SASH1: variants seen among roughly 807,000 people sequenced by gnomAD.
SASH1 encodes SAM and SH3 domain containing 1, also known as SAM and SH3 domain-containing protein 1.
In SASH1, 44 loss-of-function variants were observed where a neutral mutation model predicts 125.2. The observed-to-expected ratio is 0.35, with a 90% CI of 0.28 to 0.45. SASH1 has a LOEUF of 0.45. SASH1 is among the 20% of genes least tolerant of loss of function. The pLI, the probability that SASH1 is intolerant of heterozygous loss-of-function variation, is 1.00. For missense variants in SASH1, 1,426 were observed against 1,614.5 expected (o/e 0.88, Z 2.00); for synonymous variants, 639 against 649.1 (o/e 0.98, Z 0.24).
upstream of SASH1, among the ~76,000 whole-genome samples, chr6:148,269,181 C>T (rs1487916267): frequency 6.6e-6 from 1 of 152,224 alleles, no homozygotes; most frequent in African/African-American, 2.4e-5. Context: ...ACTATAAATG[C>T]TTGGAGTCCC....
chr6:148,336,176 C>CTTTTTTT (rs61290611), intron 1 of SASH1, among the ~76,000 whole-genome samples: 19 of 70,762 alleles, frequency 2.7e-4, no homozygotes, highest in East Asian at 1.0e-3. Flanking sequence ...AAACTGCATC[C>CTTTTTTT]TTTTTTTTTT....
At chr6:148,295,675 G>A (rs144217551) in intron 1 of SASH1, among the ~76,000 whole-genome samples, 84 of 152,362 alleles carry the variant, frequency 5.5e-4, no homozygotes, top group Non-Finnish European at 9.4e-4. Context: ...TGATGGCGGC[G>A]TATGGCAGCA....
chr6:148,533,695 G>A lies in SASH1; in HGVS notation c.1735-76G>A, dbSNP rs1177322752. 2 of 1,373,302 alleles carry A rather than the reference G, an allele frequency of 1.5e-6. No homozygotes were observed. Among genetic ancestry groups the A allele is most frequent in the African/African-American group, 1.4e-5 (1 of 69,858 alleles). The allele number at this position is 1,373,302 out of a possible 1,614,324, so 85.1% of individuals were successfully genotyped here. On this transcript the variant is annotated intron_variant, in intron 14 of 19. Transcript: ENST00000367467. The surrounding 1 kb of genome is among the most constrained non-coding windows in gnomAD (Gnocchi z 6.2). ...TGGCATCTTCACTTCTGCATGACCTGTGTATCTGACAGATTCTTGATTTGT... is the reference window on the plus strand; with the variant it reads ...TGGCATCTTCACTTCTGCATGACCTATGTATCTGACAGATTCTTGATTTGT...
chr6:148,430,021 G>A (rs1158176862), intron 2 of SASH1, among the ~76,000 whole-genome samples: 1 of 152,214 alleles, frequency 6.6e-6, no homozygotes, highest in African/African-American at 2.4e-5. Flanking sequence ...ATGAATAAGT[G>A]ATGTGGCTAG....
At chr6:148,199,569 A>C in the SASH1 span, among the ~76,000 whole-genome samples, 1 of 151,982 alleles carries the variant, frequency 6.6e-6, no homozygotes, top group Non-Finnish European at 1.5e-5. Flanking sequence ...GTGATGGTGC[A>C]CACCTGTAAT....
intron 8 of SASH1, chr6:148,513,227 G>A: frequency 1.0e-6 from 1 of 985,424 alleles, no homozygotes; most frequent in Non-Finnish European, 1.2e-6. Flanking sequence ...TTTGTTTTGT[G>A]TGTTCATTTG....
chr6:148,240,844 A>G, the SASH1 span, among the ~76,000 whole-genome samples: 1 of 152,234 alleles, frequency 6.6e-6, no homozygotes, highest in African/African-American at 2.4e-5. Flanking sequence ...GAAAAGGCAT[A>G]GCCAATGATT....
intron 9 of SASH1, among the ~76,000 whole-genome samples, chr6:148,517,492 G>A (rs1458451138): frequency 6.6e-6 from 1 of 152,146 alleles, no homozygotes; most frequent in African/African-American, 2.4e-5. Context: ...GGAGTTGTAC[G>A]CTCAAGTCAG....
chr6:148,353,041 T>G (rs75641986), intron 1 of SASH1, among the ~76,000 whole-genome samples: 13,293 of 152,204 alleles, frequency 0.087, 645 homozygotes, highest in Admixed American at 0.12. Context: ...TATGAATTAA[T>G]ATATCTTTAT....
chr6:148,360,638 C>CCT (rs1782158695), intron 1 of SASH1, among the ~76,000 whole-genome samples: 1 of 67,968 alleles, frequency 1.5e-5, no homozygotes, highest in African/African-American at 7.6e-5. Context: ...CGTGAGCCAC[C>CCT]CCCCCGCCAG....
intron 19 of SASH1, among the ~76,000 whole-genome samples, chr6:148,546,843 T>G (rs992454066): frequency 1.3e-5 from 2 of 152,072 alleles, no homozygotes; most frequent in Non-Finnish European, 2.9e-5. Context: ...GAAACCTGAT[T>G]GTTGGCTATT....
the SASH1 span, among the ~76,000 whole-genome samples, chr6:148,238,851 T>G: frequency 6.6e-6 from 1 of 151,916 alleles, no homozygotes. Context: ...TCCCGGTGAG[T>G]TGGGGAACTA....
intron 1 of SASH1, among the ~76,000 whole-genome samples, chr6:148,355,392 C>T (rs533285036): frequency 2.8e-4 from 42 of 151,342 alleles, no homozygotes; most frequent in African/African-American, 1.0e-3. Context: ...AGCAATTTGC[C>T]TTGATTAGAG....
chr6:148,525,227 T>C (rs1781071860), intron 10 of SASH1, 64 bp from the exon 11 acceptor site: 1 of 1,157,474 alleles, frequency 8.6e-7, no homozygotes, highest in African/African-American at 1.5e-5. Context: ...GACTGCTGGG[T>C]TGGTGCACTG....
Position 148,532,731 on chromosome 6 carries a change from T to C in SASH1, c.1565-66T>C, listed in dbSNP as rs1465307. On this transcript the variant is annotated intron_variant, in intron 13 of 19. Coordinates refer to ENST00000367467, the MANE Select transcript of SASH1 (RefSeq NM_015278.5). The surrounding 1 kb of genome is among the most constrained non-coding windows in gnomAD (Gnocchi z 4.7). ...ATTTCCTAATCTGCCATACCTTCAATACCTTTCTGCTTTGCTGGGTGGGAA... is the reference window on the plus strand; with the variant it reads ...ATTTCCTAATCTGCCATACCTTCAACACCTTTCTGCTTTGCTGGGTGGGAA... 743,206 of 1,570,988 alleles carry C rather than the reference T, an allele frequency of 0.47. 176,961 individuals are homozygous for C. The highest frequency in any genetic ancestry group is 0.55 in the South Asian group (48,274 of 87,504).
At chr6:148,293,442 T>C (rs143469131) in intron 1 of SASH1, among the ~76,000 whole-genome samples, 49 of 152,260 alleles carry the variant, frequency 3.2e-4, no homozygotes, top group Admixed American at 2.0e-3. Context: ...GGAAGTGGAG[T>C]GATTGCATCC....
chr6:148,420,416 C>T (rs893299280), intron 2 of SASH1, among the ~76,000 whole-genome samples: 1 of 152,162 alleles, frequency 6.6e-6, no homozygotes, highest in Non-Finnish European at 1.5e-5. Context: ...GATATAACCA[C>T]ATGCTTTTGT....
At chr6:148,220,949 A>G in the SASH1 span, among the ~76,000 whole-genome samples, 6 of 152,160 alleles carry the variant, frequency 3.9e-5, no homozygotes, top group African/African-American at 1.4e-4. Context: ...TAGACCCCAT[A>G]TCTAACAAAT....
At chr6:148,295,024 C>A (rs1271250981) in intron 1 of SASH1, among the ~76,000 whole-genome samples, 2 of 152,148 alleles carry the variant, frequency 1.3e-5, no homozygotes, top group African/African-American at 4.8e-5. Flanking sequence ...CCTAGTAAGT[C>A]TTTTGTACTA....
Sources: gnomAD v4.1 joint callset for allele counts (sites outside exome capture counted in the v4.1 genomes callset) on GRCh38, gnomAD v4.1.1 for gene constraint, Gnocchi (gnomAD v3.1) non-coding constraint, MANE v1.5 for transcripts, NCBI Gene and HGNC (gene_info 2026-07-23, HGNC 2026-07-21) for gene names.